MED26: variants seen among roughly 807,000 people sequenced by gnomAD.
MED26 encodes mediator of RNA polymerase II transcription subunit 26.
Under a neutral mutation model 43.7 loss-of-function variants are expected in MED26, and 7 were observed. The observed-to-expected ratio is 0.16, with a 90% CI of 0.09 to 0.30. The LOEUF is 0.30. Among genes scored for constraint, MED26 ranks in the 10% least tolerant of loss-of-function variants. The pLI, the probability that MED26 is intolerant of heterozygous loss-of-function variation, is 1.00. For synonymous variants in MED26, 375 were observed against 371.1 expected, an observed-to-expected ratio of 1.01 and a Z score of -0.12; for missense variants, 784 against 840.6, an observed-to-expected ratio of 0.93 and a Z score of 0.83.
chr19:16,595,637 A>C (rs537301729), intron 1 of MED26, among the ~76,000 whole-genome samples: 15 of 152,112 alleles, frequency 9.9e-5, no homozygotes, highest in African/African-American at 3.6e-4. Flanking sequence ...GAGCCAACTC[A>C]CACCCTTCAC....
chr19:16,576,925 G>A lies in MED26; in HGVS notation c.905C>T (p.Pro302Leu), dbSNP rs759886059. ...TGTGGCATCGAGTGCCTGGGGCCGCGGTGAGGGGCTGGGCACGGAGCCCTT... is the reference window on the plus strand; with the variant it reads ...TGTGGCATCGAGTGCCTGGGGCCGCAGTGAGGGGCTGGGCACGGAGCCCTT... ...APKGSVPSPS[P>L]RPQALDATQV... The change falls in exon 3 of 3, where the codon CCG becomes CTG. Residue 302 changes from proline to leucine, a missense_variant. Physicochemically the swap from Pro to Leu is moderately conservative, Grantham distance 98. This residue lies in a region of MED26 where 719 missense variants were observed against 730.9 expected (regional missense o/e 0.98). Coordinates refer to ENST00000263390, the MANE Select transcript of MED26 (RefSeq NM_004831.5). The surrounding 1 kb of genome is among the most constrained non-coding windows in gnomAD (Gnocchi z 6.8). 5.4e-5 allele frequency: 86 copies of A among 1,596,736 alleles called. No homozygotes were observed. Among genetic ancestry groups the A allele is most frequent in the East Asian group, 5.4e-4 (24 of 44,634 alleles).
chr19:16,603,600 T>C (rs1178620465), intron 1 of MED26, among the ~76,000 whole-genome samples: 1 of 152,158 alleles, frequency 6.6e-6, no homozygotes, highest in Non-Finnish European at 1.5e-5. Context: ...CCTCAGCCCC[T>C]GAGCCGCAGT....
In MED26 at chr19:16,578,363, T is replaced by C; in HGVS notation, c.119A>G (p.Lys40Arg). Residue 40 changes from lysine (K) to arginine (R), a missense_variant, in exon 2 of 3, where the codon AAA becomes AGA. By Grantham distance (26) the Lys-to-Arg change is conservative. Transcript: ENST00000263390. ...AAGTGCCTCTTTGGTAATAGGGTAT[T>C]TCTCCAGGCTGGAGATGACTTCCAG... ...AVLEVISSLE[K>R]YPITKEALEE... The C allele has an allele frequency of 6.2e-7, 1 of 1,614,084 alleles. No homozygotes were observed. The highest frequency in any genetic ancestry group is 1.1e-5 in the South Asian group (1 of 91,072).
At chr19:16,582,319 C>T (rs1484743604) in intron 1 of MED26, among the ~76,000 whole-genome samples, 2 of 151,952 alleles carry the variant, frequency 1.3e-5, no homozygotes, top group Admixed American at 6.5e-5. Flanking sequence ...GCCTCCCAGG[C>T]CCAGGAGGCA....
chr19:16,617,520 A>G (rs1048652948), intron 1 of MED26, among the ~76,000 whole-genome samples: 1 of 152,182 alleles, frequency 6.6e-6, no homozygotes, highest in Non-Finnish European at 1.5e-5. Context: ...GCCTTTCCCA[A>G]CACATGAAGC....
At chr19:16,596,976 C>A (rs1054276156) in intron 1 of MED26, among the ~76,000 whole-genome samples, 75 of 152,328 alleles carry the variant, frequency 4.9e-4, no homozygotes, top group African/African-American at 1.6e-3. Flanking sequence ...GACCACCACT[C>A]CATCACGAAG....
chr19:16,603,471 A>ATTT (rs2086158888), intron 1 of MED26, among the ~76,000 whole-genome samples: 1 of 151,600 alleles, frequency 6.6e-6, no homozygotes, highest in African/African-American at 2.4e-5. Flanking sequence ...GCTTTTTTTA[A>ATTT]AAAAAAAATT....
chr19:16,585,563 G>A (rs1289053926), intron 1 of MED26, among the ~76,000 whole-genome samples: 1 of 152,104 alleles, frequency 6.6e-6, no homozygotes, highest in Non-Finnish European at 1.5e-5. Context: ...TCCCATCTGC[G>A]ATCCACATCC....
chr19:16,608,060 TCCAGGC>T (rs1568287508), intron 1 of MED26, among the ~76,000 whole-genome samples: 2 of 152,208 alleles, frequency 1.3e-5, no homozygotes, highest in Admixed American at 1.3e-4. Flanking sequence ...TGGGCAAGGC[TCCAGGC>T]CCAGGCCAGA....
chr19:16,598,197 C>A (rs551760261), intron 1 of MED26, among the ~76,000 whole-genome samples: 1 of 151,568 alleles, frequency 6.6e-6, no homozygotes, highest in Non-Finnish European at 1.5e-5. Flanking sequence ...ATTAGCCGGG[C>A]GAGGTGGTGC....
Position 16,576,826 on chromosome 19 carries a change from G to A in MED26, c.1004C>T (p.Ala335Val), listed in dbSNP as rs200735730. The change falls in exon 3 of 3, where the codon GCG (alanine) becomes GTG (valine). Residue 335 changes from alanine (A) to valine (V), a missense_variant. By Grantham distance (64) the Ala-to-Val change is moderately conservative. Transcript: ENST00000263390. This position sits in a 1 kb window ranked among gnomAD's most constrained non-coding sequence, Gnocchi z 6.8. ...CTCAAGCCAGCACACTGGGCTTTCC[G>A]CACTGGGCAGCAGCTCGAGCCGCCG... ...PVRRLELLPS[A>V]ESPVCWLEQP... is the part of the protein sequence containing the mutation. 1.6e-5 allele frequency: 25 copies of A among 1,609,028 alleles called. No individual in the cohort carries two copies. Among genetic ancestry groups the A allele is most frequent in the East Asian group, 2.2e-5 (1 of 44,762 alleles).
In MED26 at chr19:16,587,156, C is replaced by G. The variant is rs921088664; in HGVS notation, c.73-8747G>C. The G allele has an allele frequency of 6.6e-6, 1 of 151,730 alleles. No homozygotes were observed. The highest frequency in any genetic ancestry group is 2.1e-4 in the South Asian group (1 of 4,786). The allele number at this position is 151,730 out of a possible 1,614,324, so 9.4% of individuals were successfully genotyped here. ...CACAGTCGTGTCTGCTGAGGACACACGGGTGAATCAAACAGGGCTTTGCTG... is the reference window on the plus strand; with the variant it reads ...CACAGTCGTGTCTGCTGAGGACACAGGGGTGAATCAAACAGGGCTTTGCTG... On this transcript the variant is annotated intron_variant, in intron 1 of 2. Transcript: ENST00000263390. The surrounding 1 kb of genome is among the most constrained non-coding windows in gnomAD (Gnocchi z 4.9).
Position 16,576,048 on chromosome 19 carries a change from C to T in MED26, c.1782G>A (p.Leu594=). The change falls in exon 3 of 3, where the codon CTG becomes CTA. Residue 594 remains leucine (L), a synonymous_variant. Transcript: ENST00000263390. The surrounding 1 kb of genome is among the most constrained non-coding windows in gnomAD (Gnocchi z 6.8). ...CCGGTCAGTCCAAGCAGACATAAGGCAGAATGTTCAAGCGCCCGTCGTCGC... is the reference window on the plus strand; with the variant it reads ...CCGGTCAGTCCAAGCAGACATAAGGTAGAATGTTCAAGCGCCCGTCGTCGC... ...PHGDDGRLNI[L]PYVCLD is the part of the protein sequence containing the mutation. The T allele has an allele frequency of 6.2e-7, 1 of 1,613,296 alleles. No homozygotes were observed. Among genetic ancestry groups the T allele is most frequent in the Non-Finnish European group, 8.5e-7 (1 of 1,179,808 alleles).
chr19:16,615,485 G>A (rs181540383), intron 1 of MED26, among the ~76,000 whole-genome samples: 10 of 152,282 alleles, frequency 6.6e-5, no homozygotes, highest in African/African-American at 2.4e-4. Flanking sequence ...ACTCACGCCT[G>A]TCATTCATCC....
intron 1 of MED26, among the ~76,000 whole-genome samples, chr19:16,626,359 A>T (rs2086274682): frequency 6.6e-6 from 1 of 152,226 alleles, no homozygotes; most frequent in East Asian, 1.9e-4. Flanking sequence ...TTCAGTCTTA[A>T]AATTGCAGTG....
chr19:16,599,454 A>C (rs1282848591), intron 1 of MED26, among the ~76,000 whole-genome samples: 1 of 152,178 alleles, frequency 6.6e-6, no homozygotes, highest in Non-Finnish European at 1.5e-5. Flanking sequence ...TGGTGTCTCC[A>C]GACCTGCAGG....
chr19:16,581,342 G>A (rs1394166644), intron 1 of MED26, among the ~76,000 whole-genome samples: 2 of 152,210 alleles, frequency 1.3e-5, no homozygotes, highest in African/African-American at 2.4e-5. Context: ...GATCAGTGCA[G>A]GGGAAGACTG....
intron 1 of MED26, among the ~76,000 whole-genome samples, chr19:16,618,904 G>A (rs2086238132): frequency 6.6e-6 from 1 of 152,172 alleles, no homozygotes; most frequent in Non-Finnish European, 1.5e-5. Context: ...GGAAAATCCT[G>A]AAACTGCTGG....
rs1447642884 is a variant in MED26, at chr19:16,606,518, C to T, written c.72+21354G>A. Among the ~76,000 whole-genome samples, 3 of 152,126 alleles carry T rather than the reference C, an allele frequency of 2.0e-5. No homozygotes were observed. The East Asian group carries it at 5.8e-4, about 29-fold the overall frequency. On this transcript the variant is annotated intron_variant, in intron 1 of 2. Transcript: ENST00000263390. The stretch of plus-strand genomic sequence containing the variant: ...GAGCCAAGATCATGCCAATGCACTC[C>T]AGCTTGGGTGACAGAGCGAGACTCC...
Sources: allele counts gnomAD v4.1 joint callset (sites outside exome capture counted in the v4.1 genomes callset), GRCh38; gene constraint gnomAD v4.1.1; regional missense constraint gnomAD v4.1.1; non-coding constraint Gnocchi (gnomAD v3.1); transcripts MANE v1.5; gene names NCBI Gene and HGNC (gene_info 2026-07-23, HGNC 2026-07-21).